SMN1: variants seen among roughly 807,000 people sequenced by gnomAD.
The protein encoded by SMN1 is survival motor neuron protein.
For missense variants in SMN1, 15 were observed against 17.1 expected (o/e 0.88, Z 0.22); for synonymous variants, 3 against 5.1 (o/e 0.58, Z 0.56).
At chr5:70,960,388 C>T in the SMN1 span, among the ~76,000 whole-genome samples, 469 of 149,758 alleles carry the variant, frequency 3.1e-3, 18 homozygotes, top group African/African-American at 0.011. Context: ...ATTTGAGAAC[C>T]TTATCCAGAT....
At chr5:70,959,356 T>G in the SMN1 span, among the ~76,000 whole-genome samples, 3 of 148,930 alleles carry the variant, frequency 2.0e-5, no homozygotes, top group Non-Finnish European at 4.5e-5. Context: ...TGTATACATA[T>G]GTAACTAACC....
At chr5:70,955,226 C>A (rs1167799529), downstream of SMN1, among the ~76,000 whole-genome samples, 34 of 144,436 alleles carry the variant, frequency 2.4e-4, no homozygotes, top group Admixed American at 1.3e-3. Context: ...AAAAAAAAAA[C>A]CAAACCAAAG....
At chr5:70,925,226 G>A in intron 1 of SMN1, 42 bp downstream of exon 1, 2 of 22,600 alleles carry the variant, frequency 8.8e-5, no homozygotes, top group Non-Finnish European at 1.7e-4. Flanking sequence ...AGCGCTCTCA[G>A]CACCCTTCTT....
downstream of SMN1, among the ~76,000 whole-genome samples, chr5:70,955,266 T>C (rs1410592343): frequency 1.5e-5 from 2 of 137,328 alleles, no homozygotes; most frequent in African/African-American, 2.6e-5. Flanking sequence ...GCAACTCTGC[T>C]TCTGTACACT....
chr5:70,957,521 CA>C (rs1358535033), downstream of SMN1, among the ~76,000 whole-genome samples: 2 of 149,378 alleles, frequency 1.3e-5, no homozygotes, highest in African/African-American at 4.9e-5. Flanking sequence ...GAGTTTTTAG[CA>C]TGAAGGATTG....
chr5:70,960,789 G>A, the SMN1 span, among the ~76,000 whole-genome samples: 33 of 148,356 alleles, frequency 2.2e-4, 2 homozygotes, highest in South Asian at 1.3e-3. Flanking sequence ...TCCTCCTCCC[G>A]GGTTCAAACG....
At chr5:70,955,274 A>C (rs1580897674), downstream of SMN1, among the ~76,000 whole-genome samples, 2 of 123,780 alleles carry the variant, frequency 1.6e-5, no homozygotes, top group East Asian at 2.9e-4. Context: ...GCTTCTGTAC[A>C]CTTTTTTTTT....
intron 5 of SMN1, among the ~76,000 whole-genome samples, chr5:70,943,758 G>T (rs1440524735): frequency 1.4e-5 from 2 of 138,622 alleles, no homozygotes; most frequent in Non-Finnish European, 3.2e-5. Flanking sequence ...GTAAAGCGGT[G>T]ATTTCTTCCA....
At chr5:70,955,222 AAAACC>A (rs970894582), downstream of SMN1, among the ~76,000 whole-genome samples, 1 of 146,972 alleles carries the variant, frequency 6.8e-6, no homozygotes, top group African/African-American at 2.5e-5. Context: ...CTCAAAAAAA[AAAACC>A]AAACCAAAGC....
the SMN1 span, among the ~76,000 whole-genome samples, chr5:70,960,919 ACTC>A: frequency 2.1e-5 from 3 of 142,918 alleles, no homozygotes; most frequent in African/African-American, 7.6e-5. Flanking sequence ...CCAGTCTTGA[ACTC>A]CTGACCTCAA....
Position 70,951,995 on chromosome 5 carries a change from G to T in SMN1, c.*3+1G>T, listed in dbSNP as rs1290417835. On this transcript the variant is annotated splice_donor_variant, in intron 8 of 8. Coordinates refer to ENST00000380707, the MANE Select transcript of SMN1 (RefSeq NM_000344.4). LOFTEE classifies it low-confidence loss of function (3UTR_SPLICE). ...GTGCTCACATTCCTTAAATTAAGGA[G>T]TAAGTCTGCCAGCATTATGAAAGTG... 6.2e-7 allele frequency: 1 copy of T among 1,612,586 alleles called. No individual in the cohort carries two copies. The highest frequency in any genetic ancestry group is 8.5e-7 in the Non-Finnish European group (1 of 1,179,146).
downstream of SMN1, among the ~76,000 whole-genome samples, chr5:70,955,311 G>T (rs1460599419): frequency 2.9e-5 from 4 of 137,044 alleles, no homozygotes; most frequent in African/African-American, 8.0e-5. Flanking sequence ...GATCTATGTT[G>T]CCCAAGCTGG....
downstream of SMN1, among the ~76,000 whole-genome samples, chr5:70,956,582 C>A (rs1749910272): frequency 6.8e-6 from 1 of 147,434 alleles, no homozygotes; most frequent in South Asian, 2.2e-4. Flanking sequence ...AATCCTTTCC[C>A]CATTGCTTGT....
At chr5:70,950,162 A>T (rs1422344911) in intron 7 of SMN1, among the ~76,000 whole-genome samples, 1 of 150,150 alleles carries the variant, frequency 6.7e-6, no homozygotes, top group Non-Finnish European at 1.5e-5. Context: ...TCACGCCGGT[A>T]ATCCCAACAC....
downstream of SMN1, among the ~76,000 whole-genome samples, chr5:70,957,741 G>C (rs1457952334): frequency 9.7e-6 from 1 of 102,830 alleles, no homozygotes; most frequent in African/African-American, 3.1e-5. Flanking sequence ...GATGATTTTT[G>C]CATCAATGTT....
the SMN1 span, among the ~76,000 whole-genome samples, chr5:70,959,166 A>T: frequency 6.7e-6 from 1 of 149,014 alleles, no homozygotes; most frequent in Non-Finnish European, 1.5e-5. Flanking sequence ...ACAAAAAACC[A>T]AACACCGCAT....
the SMN1 span, among the ~76,000 whole-genome samples, chr5:70,960,826 G>C: frequency 1.3e-5 from 2 of 149,402 alleles, no homozygotes; most frequent in African/African-American, 4.9e-5. Context: ...CTTCTCAGTA[G>C]CTGGGATTAT....
At chr5:70,952,155 G>A (rs1262658414) in intron 8 of SMN1, 161 bp downstream of exon 8, 1 of 1,468,882 alleles carries the variant, frequency 6.8e-7, no homozygotes. Context: ...AAAACTATTA[G>A]ATAAAAGGTT....
the SMN1 span, among the ~76,000 whole-genome samples, chr5:70,959,262 G>T: frequency 6.7e-6 from 1 of 149,880 alleles, no homozygotes; most frequent in East Asian, 2.0e-4. Flanking sequence ...GTTGTGGGGT[G>T]GGGGGAATGG....
Sources: allele counts gnomAD v4.1 joint callset (sites outside exome capture counted in the v4.1 genomes callset), GRCh38; gene constraint gnomAD v4.1.1; transcripts MANE v1.5; gene names NCBI Gene and HGNC (gene_info 2026-07-23, HGNC 2026-07-21).